Variants in RASA1 observed in about 807,000 individuals in gnomAD.
RASA1 encodes the protein RAS p21 protein activator 1, also known as ras GTPase-activating protein 1.
Under a neutral mutation model 132.2 loss-of-function variants are expected in RASA1, and 25 were observed. The observed-to-expected ratio is 0.19, with a 90% CI of 0.14 to 0.26. The LOEUF (loss-of-function observed/expected upper bound fraction) is 0.26, where lower values mean the gene tolerates loss of function less well. Ranked by LOEUF, RASA1 falls within the 10% of genes least tolerant of loss-of-function variation. The pLI is 1.00. For synonymous variants in RASA1, 477 were observed against 449.9 expected (o/e 1.06, Z -0.76); for missense variants, 964 against 1,299.2 (o/e 0.74, Z 3.97).
intron 1 of RASA1, among the ~76,000 whole-genome samples, chr5:87,321,762 G>A (rs544981595): frequency 6.6e-6 from 1 of 152,302 alleles, no homozygotes; most frequent in African/African-American, 2.4e-5. Context: ...GTTCAGCTGT[G>A]AGGCCAGTCC....
At chr5:87,296,176 T>A (rs1755113299) in intron 1 of RASA1, among the ~76,000 whole-genome samples, 2 of 152,050 alleles carry the variant, frequency 1.3e-5, no homozygotes, top group African/African-American at 2.4e-5. Flanking sequence ...CAATATACAT[T>A]TACAGTTTTC....
chr5:87,374,243 C>T lies in RASA1; in HGVS notation c.1857C>T (p.Tyr619=), dbSNP rs1292336078. Residue 619 remains tyrosine (Y), a synonymous_variant, in exon 14 of 25, where the codon TAC becomes TAT. Transcript: ENST00000274376. The part of the protein sequence containing the change: ...KHFTNPYCNI[Y]LNSVQVAKTH... The stretch of plus-strand genomic sequence containing the variant: ...TTACTAATCCATATTGTAACATCTA[C>T]CTGAATAGTGTCCAAGTAGCAAAAA... The T allele has an allele frequency of 6.3e-7, 1 of 1,599,374 alleles. No individual in the cohort carries two copies. The highest frequency in any genetic ancestry group is 8.5e-7 in the Non-Finnish European group (1 of 1,171,636).
chr5:87,387,032 T>C, intron 23 of RASA1, 129 bp downstream of exon 23: 1 of 817,008 alleles, frequency 1.2e-6, no homozygotes, highest in Middle Eastern at 3.6e-4. Flanking sequence ...CTGCAAATTT[T>C]TGTCTGCCTT....
chr5:87,303,643 A>G (rs1344696725), intron 1 of RASA1, among the ~76,000 whole-genome samples: 1 of 151,962 alleles, frequency 6.6e-6, no homozygotes, highest in Non-Finnish European at 1.5e-5. Flanking sequence ...CATACTCTGA[A>G]TGAATTCAGT....
At chr5:87,353,078 G>T in intron 8 of RASA1, 79 bp from the exon 9 acceptor site, 1 of 1,148,190 alleles carries the variant, frequency 8.7e-7, no homozygotes, top group Non-Finnish European at 1.3e-6. Context: ...ATAATCCTTG[G>T]CAAGAAAGTT....
intron 9 of RASA1, among the ~76,000 whole-genome samples, chr5:87,353,576 TA>T (rs1431158725): frequency 2.6e-5 from 4 of 151,820 alleles, no homozygotes; most frequent in African/African-American, 9.7e-5. Flanking sequence ...TAAAAGGAAA[TA>T]AAAAATACTG....
chr5:87,333,293 A>C lies in RASA1; in HGVS notation c.855A>C (p.Arg285=). ...PEPVEDRRRV[R]AILPYTKVPD... ...CAGTAGAAGATAGAAGGCGTGTACG[A>C]GCTATTCTACCTTACACAAAAGTAC... is the stretch of plus-strand genomic sequence containing the variant. The change falls in exon 4 of 25, where the codon CGA becomes CGC. Residue 285 remains arginine (R), a synonymous_variant. Coordinates refer to ENST00000274376, the MANE Select transcript of RASA1 (RefSeq NM_002890.3). The C allele has an allele frequency of 6.2e-7, 1 of 1,613,190 alleles. No individual in the cohort carries two copies. Among genetic ancestry groups the C allele is most frequent in the Non-Finnish European group, 8.5e-7 (1 of 1,179,496 alleles).
At chr5:87,383,305 G>A (rs1439169112) in intron 20 of RASA1, among the ~76,000 whole-genome samples, 1 of 152,066 alleles carries the variant, frequency 6.6e-6, no homozygotes, top group Admixed American at 6.6e-5. Flanking sequence ...ACAGAACTAT[G>A]CTTATATAAA....
In RASA1 at chr5:87,341,292, C is replaced by G; in HGVS notation, c.1020C>G (p.Gly340=). 7.4e-7 allele frequency: 1 copy of G among 1,345,938 alleles called. No homozygotes were observed. The highest frequency in any genetic ancestry group is 9.6e-7 in the Non-Finnish European group (1 of 1,040,238). 83.4% of individuals were successfully genotyped at this position (1,345,938 alleles called of 1,614,324 possible). A position where few individuals can be genotyped will look rare whatever the true frequency, so the allele number is the denominator to read the frequency against. Reference sequence around the variant, plus strand: ...CTGTCTTAATGTCTTCCCTTTAGGGCCGGGAAGAAGATCCACATGAAGGAA... The same window carrying G: ...CTGTCTTAATGTCTTCCCTTTAGGGGCGGGAAGAAGATCCACATGAAGGAA... ...LIVEDLVEEV[G]REEDPHEGKI... The change falls in exon 6 of 25, where the codon GGC becomes GGG. Residue 340 remains glycine, a splice_region_variant and synonymous_variant. Transcript: ENST00000274376.
chr5:87,372,971 G>C (rs1381226649), intron 13 of RASA1, among the ~76,000 whole-genome samples: 1 of 152,014 alleles, frequency 6.6e-6, no homozygotes, highest in African/African-American at 2.4e-5. Flanking sequence ...TCTTCCCCAG[G>C]GAAATTTAAG....
intron 1 of RASA1, among the ~76,000 whole-genome samples, chr5:87,298,825 G>T (rs370779180): frequency 6.6e-6 from 1 of 152,144 alleles, no homozygotes; most frequent in Non-Finnish European, 1.5e-5. Flanking sequence ...CAAAGAGAGC[G>T]AATTACTAGC....
At chr5:87,314,933 C>A (rs1046842653) in intron 1 of RASA1, among the ~76,000 whole-genome samples, 1 of 152,022 alleles carries the variant, frequency 6.6e-6, no homozygotes, top group Non-Finnish European at 1.5e-5. Flanking sequence ...ATAAGTGACA[C>A]CCCCATCTTT....
chr5:87,335,600 AT>A (rs1177691243), intron 4 of RASA1, among the ~76,000 whole-genome samples: 1 of 150,450 alleles, frequency 6.6e-6, no homozygotes, highest in Non-Finnish European at 1.5e-5. Flanking sequence ...TAATTTTGAT[AT>A]TTTTAGTAGA....
chr5:87,380,805 A>G (rs562169527), intron 20 of RASA1, among the ~76,000 whole-genome samples: 1 of 152,292 alleles, frequency 6.6e-6, no homozygotes, highest in East Asian at 1.9e-4. Flanking sequence ...ATGAACATTC[A>G]TTTATAGTCA....
intron 1 of RASA1, among the ~76,000 whole-genome samples, chr5:87,273,021 C>T (rs1307429457): frequency 6.6e-6 from 1 of 152,188 alleles, no homozygotes; most frequent in Non-Finnish European, 1.5e-5. Context: ...GTTTAGGTCA[C>T]AGGATTGAGT....
chr5:87,327,124 C>G (rs959126036), intron 1 of RASA1, among the ~76,000 whole-genome samples: 1 of 152,140 alleles, frequency 6.6e-6, no homozygotes, highest in African/African-American at 2.4e-5. Context: ...ATTAGGTATT[C>G]TTCTAAGCAA....
At chr5:87,294,812 T>C (rs1007014217) in intron 1 of RASA1, among the ~76,000 whole-genome samples, 8 of 152,220 alleles carry the variant, frequency 5.3e-5, no homozygotes, top group African/African-American at 1.7e-4. Flanking sequence ...GGAGAGAATG[T>C]GCAGTCTGCT....
chr5:87,364,038 G>C (rs1760319020), intron 11 of RASA1, among the ~76,000 whole-genome samples: 1 of 152,004 alleles, frequency 6.6e-6, no homozygotes, highest in Non-Finnish European at 1.5e-5. Flanking sequence ...TCCAGCTCTT[G>C]ATTACATCTA....
At chr5:87,322,814 C>A (rs1756928023) in intron 1 of RASA1, among the ~76,000 whole-genome samples, 1 of 152,140 alleles carries the variant, frequency 6.6e-6, no homozygotes, top group Non-Finnish European at 1.5e-5. Context: ...CAACCACATA[C>A]ATAAATAAAA....
Sources: gnomAD v4.1 joint callset for allele counts (sites outside exome capture counted in the v4.1 genomes callset) on GRCh38, gnomAD v4.1.1 for gene constraint, MANE v1.5 for transcripts, NCBI Gene and HGNC (gene_info 2026-07-23, HGNC 2026-07-21) for gene names.